ZNF181: variants seen among roughly 807,000 people sequenced by gnomAD.
ZNF181 encodes the protein zinc finger protein 181 (HHZ181).
ZNF181 carries 8 observed loss-of-function variants against 11.9 expected under a neutral mutation model. The observed-to-expected ratio is 0.67, with a 90% CI of 0.39 to 1.21. The LOEUF is 1.21. Among genes scored for constraint, ZNF181 ranks in the 50% most tolerant of loss-of-function variants. The probability of loss-of-function intolerance (pLI) is 0.01; values close to 1 mark genes in which losing one functional copy is unlikely to be tolerated. For missense variants in ZNF181, 542 were observed against 670.9 expected, an observed-to-expected ratio of 0.81 and a Z score of 2.12; for synonymous variants, 202 against 221.1, an observed-to-expected ratio of 0.91 and a Z score of 0.77.
chr19:34,735,154 ATCCATGG>A, intron 1 of ZNF181, 108 bp downstream of exon 1: 1 of 1,273,456 alleles, frequency 7.9e-7, no homozygotes, highest in Non-Finnish European at 1.1e-6. Context: ...AAGGGACTGG[ATCCATGG>A]TTCCTTTCAG....
Position 34,741,552 on chromosome 19 carries a change from C to A in ZNF181, c.1171C>A (p.His391Asn), listed in dbSNP as rs200629503. The change falls in exon 4 of 4, where the codon CAC becomes AAC. Residue 391 changes from histidine (H) to asparagine (N), a missense_variant. Coordinates refer to ENST00000492450, the MANE Select transcript of ZNF181 (RefSeq NM_001029997.4). ...TGGGAAAGCTTTCTGCTGTAGCTCA[C>A]ACCTTACTCGACATCAAAGAATTCA... ...ECGKAFCCSS[H>N]LTRHQRIHTM... The A allele has an allele frequency of 1.2e-6, 2 of 1,613,900 alleles. No homozygotes were observed. The highest frequency in any genetic ancestry group is 1.7e-6 in the Non-Finnish European group (2 of 1,179,952).
chr19:34,738,531 AG>A (rs1440125208), intron 1 of ZNF181, among the ~76,000 whole-genome samples: 2 of 151,406 alleles, frequency 1.3e-5, no homozygotes, highest in East Asian at 1.9e-4. Flanking sequence ...TTTAATATAA[AG>A]GTTTTTTTTT....
In ZNF181 at chr19:34,736,224, A is replaced by C. The variant is rs947211250; in HGVS notation, c.9+1178A>C. On this transcript the variant is annotated intron_variant, in intron 1 of 3. Transcript: ENST00000492450. ...GAGGGGATGTGAGTAGCAGATGTAC[A>C]TGTTGGGTGAAGTCTGTTTTCTTGG... 7 of 698,148 alleles carry C rather than the reference A, an allele frequency of 1.0e-5. No homozygotes were observed. In the African/African-American group the frequency reaches 1.2e-4, roughly 12 times the overall value. The allele number at this position is 698,148 out of a possible 1,614,324, so 43.2% of individuals were successfully genotyped here.
At chr19:34,735,196 A>G in intron 1 of ZNF181, 150 bp downstream of exon 1, 1 of 806,698 alleles carries the variant, frequency 1.2e-6, no homozygotes, top group Non-Finnish European at 1.9e-6. Context: ...AGCCCACAGG[A>G]GAGCTCCAAG....
Position 34,742,209 on chromosome 19 carries a change from A to G in ZNF181, c.*112A>G. 1 of 1,088,048 alleles carries G rather than the reference A, an allele frequency of 9.2e-7. No individual in the cohort carries two copies. Among genetic ancestry groups the G allele is most frequent in the Non-Finnish European group, 1.3e-6 (1 of 763,800 alleles). 67.4% of individuals were successfully genotyped at this position (1,088,048 alleles called of 1,614,324 possible). A position where few individuals can be genotyped will look rare whatever the true frequency, so the allele number is the denominator to read the frequency against. ...TGAATATAGGAAGACCTTTTAGCAA[A>G]GATGCAGGCCAGTTTGTTTATTAGA... On this transcript the variant is annotated 3_prime_UTR_variant, in exon 4 of 4. Coordinates refer to ENST00000492450, the MANE Select transcript of ZNF181 (RefSeq NM_001029997.4).
At position 34,741,374 on chromosome 19, in the gene ZNF181, T is replaced by G. The variant is rs775659317; in HGVS notation, c.993T>G (p.Ser331Arg). The stretch of plus-strand genomic sequence containing the variant: ...GTATGAACTGTGGAAAGTCTTTTAG[T>G]CGTGTGTCCCATCTTATTGAACATC... ...YECMNCGKSF[S>R]RVSHLIEHLR... The change falls in exon 4 of 4, where the codon AGT (serine) becomes AGG (arginine). Residue 331 changes from serine to arginine, a missense_variant. Coordinates refer to ENST00000492450, the MANE Select transcript of ZNF181 (RefSeq NM_001029997.4). The G allele has an allele frequency of 2.4e-4, 381 of 1,613,312 alleles. No homozygotes were observed. The highest frequency in any genetic ancestry group is 3.0e-4 in the Non-Finnish European group (348 of 1,179,466).
chr19:34,736,131 A>C, intron 1 of ZNF181: 1 of 702,992 alleles, frequency 1.4e-6, no homozygotes, highest in South Asian at 1.5e-5. Flanking sequence ...GTAATTGTGG[A>C]GTGAATAAGA....
At chr19:34,739,085 CCTTT>C in intron 1 of ZNF181, 59 bp from the exon 2 acceptor site, 1 of 1,601,486 alleles carries the variant, frequency 6.2e-7, no homozygotes, top group Non-Finnish European at 8.5e-7. Context: ...CTAATTTTAC[CCTTT>C]CTTCAGTGAC....
At chr19:34,740,343 A>G (rs567506171) in intron 3 of ZNF181, among the ~76,000 whole-genome samples, 2 of 152,310 alleles carry the variant, frequency 1.3e-5, no homozygotes, top group South Asian at 4.1e-4. Flanking sequence ...TTTATTTCTG[A>G]TAACTTCCTT....
Position 34,740,760 on chromosome 19 carries a change from T to C in ZNF181, c.379T>C (p.Leu127=). ...SKKNLEYIEK[L]EGKHGSQVDH... is the part of the protein sequence containing the mutation. ...GAAGAATTTGGAATATATAGAGAAG[T>C]TGGAAGGGAAGCATGGAAGTCAGGT... The change falls in exon 4 of 4, where the codon TTG becomes CTG. Residue 127 remains leucine, a synonymous_variant. Transcript: ENST00000492450. 1.9e-6 allele frequency: 3 copies of C among 1,613,810 alleles called. No homozygotes were observed. Among genetic ancestry groups the C allele is most frequent in the African/African-American group, 1.3e-5 (1 of 74,990 alleles).
chr19:34,735,150 C>T, intron 1 of ZNF181, 104 bp downstream of exon 1: 5 of 1,326,004 alleles, frequency 3.8e-6, no homozygotes, highest in South Asian at 2.7e-5. Context: ...ATTTAAGGGA[C>T]TGGATCCATG....
chr19:34,739,057 A>C, intron 1 of ZNF181, 91 bp from the exon 2 acceptor site: 2 of 1,574,432 alleles, frequency 1.3e-6, no homozygotes, highest in South Asian at 1.2e-5. Context: ...ATCTTGTTCC[A>C]TTTCTCCCAC....
At position 34,741,321 on chromosome 19, in the gene ZNF181, A is replaced by G; in HGVS notation, c.940A>G (p.Thr314Ala). The change falls in exon 4 of 4, where the codon ACT becomes GCT. Residue 314 changes from threonine to alanine, a missense_variant. Coordinates refer to ENST00000492450, the MANE Select transcript of ZNF181 (RefSeq NM_001029997.4). ...CTCATCACTTACTAACCATCAGAGC[A>G]CTCACACTGGAGAGAAACCATATGA... ...HVSSLTNHQS[T>A]HTGEKPYECM... is the part of the protein sequence containing the mutation. 6.2e-7 allele frequency: 1 copy of G among 1,613,860 alleles called. No homozygotes were observed. Among genetic ancestry groups the G allele is most frequent in the South Asian group, 1.1e-5 (1 of 91,068 alleles).
chr19:34,741,429 G>A lies in ZNF181; in HGVS notation c.1048G>A (p.Glu350Lys). 1.9e-6 allele frequency: 3 copies of A among 1,613,906 alleles called. No homozygotes were observed. Among genetic ancestry groups the A allele is most frequent in the Non-Finnish European group, 2.5e-6 (3 of 1,179,916 alleles). Residue 350 changes from glutamate to lysine, a missense_variant, in exon 4 of 4, where the codon GAG (glutamate) becomes AAG (lysine). By Grantham distance (56) the Glu-to-Lys change is moderately conservative. Coordinates refer to ENST00000492450, the MANE Select transcript of ZNF181 (RefSeq NM_001029997.4). Reference protein sequence around the residue: ...LRIHTQEKLYECRICGKAFIH... With the variant: ...LRIHTQEKLYKCRICGKAFIH... ...AATTCATACTCAAGAAAAACTCTATGAGTGTCGTATATGTGGAAAGGCCTT... is the reference window on the plus strand; with the variant it reads ...AATTCATACTCAAGAAAAACTCTATAAGTGTCGTATATGTGGAAAGGCCTT...
rs761802008 is a variant in ZNF181, at chr19:34,741,769, G to A, written c.1388G>A (p.Cys463Tyr). ...CACATTAGATTGAAACCCTACGAAT[G>A]CAGTATATGTGGGAAAGCCTTTAGT... is the stretch of plus-strand genomic sequence containing the variant. Reference protein sequence around the residue: ...RNHIRLKPYECSICGKAFSHR... With the variant: ...RNHIRLKPYEYSICGKAFSHR... Residue 463 changes from cysteine (C) to tyrosine (Y), a missense_variant, in exon 4 of 4, where the codon TGC (cysteine) becomes TAC (tyrosine). Physicochemically the swap from Cys to Tyr is radical, Grantham distance 194 (BLOSUM62 -2). Coordinates refer to ENST00000492450, the MANE Select transcript of ZNF181 (RefSeq NM_001029997.4). The A allele has an allele frequency of 1.2e-6, 2 of 1,613,988 alleles. No individual in the cohort carries two copies. The highest frequency in any genetic ancestry group is 3.3e-5 in the Admixed American group (2 of 59,984).
Position 34,742,101 on chromosome 19 carries a change from A to T in ZNF181, c.*4A>T, listed in dbSNP as rs1471875312. 6.5e-7 allele frequency: 1 copy of T among 1,534,704 alleles called. No homozygotes were observed. Among genetic ancestry groups the T allele is most frequent in the Middle Eastern group, 1.8e-4 (1 of 5,650 alleles). ...TTACAGAAGAGAAACTGTATGAAGCAGTGGTTATCATGGTAAATTTCCTAG... is the reference window on the plus strand; with the variant it reads ...TTACAGAAGAGAAACTGTATGAAGCTGTGGTTATCATGGTAAATTTCCTAG... On this transcript the variant is annotated 3_prime_UTR_variant, in exon 4 of 4. Transcript: ENST00000492450.
chr19:34,740,331 A>G (rs1260345091), intron 3 of ZNF181, among the ~76,000 whole-genome samples: 1 of 152,206 alleles, frequency 6.6e-6, no homozygotes, highest in African/African-American at 2.4e-5. Context: ...TGCCTTCCAC[A>G]TTTTATTTCT....
In ZNF181 at chr19:34,741,422, ACT is replaced by A. The variant is rs753886206; in HGVS notation, c.1044_1045del (p.Tyr349Ter). Reference sequence around the variant, plus strand: ...ATCTAAGAATTCATACTCAAGAAAAACTCTATGAGTGTCGTATATGTGGAAAG... The same window carrying A: ...ATCTAAGAATTCATACTCAAGAAAAACTATGAGTGTCGTATATGTGGAAAG... Reference protein sequence around the residue: ...EHLRIHTQEKLYECRICGKAF... With the variant: ...EHLRIHTQEKXYECRICGKAF... On this transcript the variant is annotated frameshift_variant, in exon 4 of 4. Coordinates refer to ENST00000492450, the MANE Select transcript of ZNF181 (RefSeq NM_001029997.4). LOFTEE classifies it low-confidence loss of function (END_TRUNC). The A allele has an allele frequency of 5.0e-6, 8 of 1,613,394 alleles. No homozygotes were observed. In the South Asian group the frequency reaches 7.7e-5, roughly 16 times the overall value.
In ZNF181 at chr19:34,743,391, A is replaced by G. The variant is rs2069007518; in HGVS notation, c.*1294A>G. ...TTACAAGTGCTATGAGGACATAACCAAGAAACAACATACTACAAGAGATCA... is the reference window on the plus strand; with the variant it reads ...TTACAAGTGCTATGAGGACATAACCGAGAAACAACATACTACAAGAGATCA... On this transcript the variant is annotated 3_prime_UTR_variant, in exon 4 of 4. Transcript: ENST00000492450. 6.6e-6 allele frequency: 1 copy of G among 152,352 alleles called. No homozygotes were observed. The highest frequency in any genetic ancestry group is 3.4e-3 in the Middle Eastern group (1 of 294). The allele number at this position is 152,352 out of a possible 1,614,324, so 9.4% of individuals were successfully genotyped here.
Sources: gnomAD v4.1 joint callset for allele counts (sites outside exome capture counted in the v4.1 genomes callset) on GRCh38, gnomAD v4.1.1 for gene constraint, MANE v1.5 for transcripts, NCBI Gene and HGNC (gene_info 2026-07-23, HGNC 2026-07-21) for gene names.